The following ARHGAP26 variants were observed in gnomAD, a reference collection of about 807,000 sequenced individuals.
The protein encoded by ARHGAP26 is rho GTPase-activating protein 26.
Under a neutral mutation model 104.8 loss-of-function variants are expected in ARHGAP26, and 38 were observed. The observed-to-expected ratio is 0.36, with a 90% CI of 0.28 to 0.48. The LOEUF is 0.48. ARHGAP26 is among the 20% of genes least tolerant of loss of function. The pLI, the probability that ARHGAP26 is intolerant of heterozygous loss-of-function variation, is 0.99. For synonymous variants in ARHGAP26, 341 were observed against 340.0 expected (o/e 1.00, Z -0.03); for missense variants, 704 against 947.9 (o/e 0.74, Z 3.38).
chr5:143,039,528 A>T (rs1218763761), intron 13 of ARHGAP26, among the ~76,000 whole-genome samples: 5 of 149,890 alleles, frequency 3.3e-5, no homozygotes, highest in Non-Finnish European at 3.0e-5. Context: ...AGGAGTTTTA[A>T]TTTTTTTTTT....
At chr5:142,978,072 T>C (rs1241464106) in intron 11 of ARHGAP26, among the ~76,000 whole-genome samples, 1 of 152,234 alleles carries the variant, frequency 6.6e-6, no homozygotes, top group Non-Finnish European at 1.5e-5. Context: ...ATTTCACTCC[T>C]AGGTTCTTGT....
intron 6 of ARHGAP26, among the ~76,000 whole-genome samples, chr5:142,901,079 AG>A (rs1321582250): frequency 3.3e-5 from 5 of 152,184 alleles, no homozygotes; most frequent in African/African-American, 7.2e-5. Flanking sequence ...AACAACAGTG[AG>A]GTTTGGATGT....
At chr5:143,112,289 C>G in intron 17 of ARHGAP26, among the ~76,000 whole-genome samples, 1 of 152,020 alleles carries the variant, frequency 6.6e-6, no homozygotes, top group East Asian at 1.9e-4. Flanking sequence ...AGAGGGGCTA[C>G]AGAGTGGCCC....
At chr5:142,844,090 TC>T (rs1374515064) in intron 1 of ARHGAP26, among the ~76,000 whole-genome samples, 1 of 150,682 alleles carries the variant, frequency 6.6e-6, no homozygotes, top group African/African-American at 2.5e-5. Context: ...CTTGCTCTAT[TC>T]CCCAGGCTAG....
chr5:143,187,482 GT>G (rs779343506), intron 20 of ARHGAP26, among the ~76,000 whole-genome samples: 2 of 152,182 alleles, frequency 1.3e-5, no homozygotes, highest in Non-Finnish European at 2.9e-5. Flanking sequence ...AGTCTGCTTG[GT>G]TTGTGTCAGG....
At chr5:142,845,244 C>T (rs564965528) in intron 1 of ARHGAP26, among the ~76,000 whole-genome samples, 24 of 152,128 alleles carry the variant, frequency 1.6e-4, no homozygotes, top group African/African-American at 3.6e-4. Flanking sequence ...GTGTGTTGAT[C>T]GTCTGTTCTG....
chr5:143,073,010 T>G (rs1369718860), intron 17 of ARHGAP26, among the ~76,000 whole-genome samples: 1 of 152,184 alleles, frequency 6.6e-6, no homozygotes, highest in African/African-American at 2.4e-5. Context: ...CATGAATATG[T>G]ACAATTATAA....
chr5:142,961,901 A>AT (rs1334435218), intron 11 of ARHGAP26, among the ~76,000 whole-genome samples: 8 of 151,892 alleles, frequency 5.3e-5, no homozygotes, highest in Non-Finnish European at 1.0e-4. Flanking sequence ...TGTTATTTTC[A>AT]TTTTCAGCAT....
intron 1 of ARHGAP26, among the ~76,000 whole-genome samples, chr5:142,851,096 ATTT>A (rs570143559): frequency 7.0e-5 from 10 of 143,478 alleles, no homozygotes; most frequent in African/African-American, 2.5e-4. Flanking sequence ...TGGAAAATAC[ATTT>A]TTTTTTTTTT....
chr5:143,134,196 G>C, intron 19 of ARHGAP26, 91 bp downstream of exon 19: 1 of 1,410,848 alleles, frequency 7.1e-7, no homozygotes, highest in Non-Finnish European at 9.4e-7. Context: ...GCTTTTCTCT[G>C]TGTGCTACTG....
chr5:142,864,690 G>A (rs565944489), intron 1 of ARHGAP26, among the ~76,000 whole-genome samples: 1 of 152,304 alleles, frequency 6.6e-6, no homozygotes, highest in South Asian at 2.1e-4. Flanking sequence ...TCTGCTGTGG[G>A]AAGGAAAGCA....
At chr5:142,870,119 A>G (rs1210937900) in intron 1 of ARHGAP26, among the ~76,000 whole-genome samples, 2 of 152,156 alleles carry the variant, frequency 1.3e-5, no homozygotes, top group African/African-American at 4.8e-5. Flanking sequence ...TGTGTCTTGC[A>G]CTGCCTGCAC....
intron 17 of ARHGAP26, chr5:143,103,329 A>G (rs1466293232): frequency 2.9e-6 from 2 of 682,454 alleles, no homozygotes; most frequent in Non-Finnish European, 3.6e-6. Context: ...AATAGGAACG[A>G]TTTTACACTG....
chr5:142,921,115 C>T (rs1763129086), intron 10 of ARHGAP26, among the ~76,000 whole-genome samples: 1 of 152,246 alleles, frequency 6.6e-6, no homozygotes, highest in African/African-American at 2.4e-5. Flanking sequence ...AGGTAAAGGG[C>T]AGTAGCTCTC....
At chr5:142,844,765 G>T (rs538650130) in intron 1 of ARHGAP26, among the ~76,000 whole-genome samples, 13 of 150,298 alleles carry the variant, frequency 8.6e-5, no homozygotes, top group African/African-American at 2.0e-4. Flanking sequence ...GGAGGCAAGA[G>T]AATCGCTTGA....
intron 17 of ARHGAP26, among the ~76,000 whole-genome samples, chr5:143,107,631 T>C (rs1412465490): frequency 6.6e-6 from 1 of 152,192 alleles, no homozygotes; most frequent in Non-Finnish European, 1.5e-5. Context: ...TTGAAAAATA[T>C]CTGTTTAGGT....
chr5:143,129,537 A>G (rs1797090875), intron 18 of ARHGAP26, among the ~76,000 whole-genome samples: 1 of 152,210 alleles, frequency 6.6e-6, no homozygotes, highest in African/African-American at 2.4e-5. Context: ...TAAAGACCAC[A>G]AGTGCTTAAG....
At chr5:142,887,948 G>A (rs1009739047) in intron 5 of ARHGAP26, among the ~76,000 whole-genome samples, 1 of 152,092 alleles carries the variant, frequency 6.6e-6, no homozygotes, top group Non-Finnish European at 1.5e-5. Flanking sequence ...CTGGGCGACA[G>A]AGTGAGACTC....
Position 143,192,147 on chromosome 5 carries a change from G to A in ARHGAP26, c.1989-15051G>A, listed in dbSNP as rs114057962. On this transcript the variant is annotated intron_variant, in intron 20 of 22. Coordinates refer to ENST00000645722, the MANE Select transcript of ARHGAP26 (RefSeq NM_001135608.3). ...GATAAGACAACTGCAATTCAATGTA[G>A]CATCAAGACGGGAAGAAAAACACAG... Among the ~76,000 whole-genome samples the A allele has an allele frequency of 3.1e-3, 473 of 152,338 alleles. 1 individual carries two copies. Among genetic ancestry groups the A allele is most frequent in the African/African-American group, 0.011 (439 of 41,574 alleles).
Sources: gnomAD v4.1 joint callset for allele counts (sites outside exome capture counted in the v4.1 genomes callset) on GRCh38, gnomAD v4.1.1 for gene constraint, MANE v1.5 for transcripts, NCBI Gene and HGNC (gene_info 2026-07-23, HGNC 2026-07-21) for gene names.